MEIS2: variants seen among roughly 807,000 people sequenced by gnomAD.
The protein encoded by MEIS2 is Meis homeobox 2.
Under a neutral mutation model 58.6 loss-of-function variants are expected in MEIS2, and 9 were observed. The observed-to-expected ratio is 0.15, with a 90% confidence interval of 0.09 to 0.27. The LOEUF (loss-of-function observed/expected upper bound fraction) is 0.27, where lower values mean the gene tolerates loss of function less well. MEIS2 is among the 10% of genes least tolerant of loss of function. The pLI is 1.00. For synonymous variants in MEIS2, 221 were observed against 228.4 expected, an observed-to-expected ratio of 0.97 and a Z score of 0.29; for missense variants, 427 against 635.0, an observed-to-expected ratio of 0.67 and a Z score of 3.52.
Position 36,909,285 on chromosome 15 carries a change from G to A in MEIS2, c.978-12599C>T, listed in dbSNP as rs138250298. 1.2e-3 allele frequency among the ~76,000 whole-genome samples: 180 copies of A among 152,020 alleles called. 2 individuals carry two copies. The highest frequency in any genetic ancestry group is 4.1e-3 in the African/African-American group (168 of 41,458). Reference sequence around the variant, plus strand: ...ACTTATTCACAATTGTGATTTACTCGTCTGACTTTCCTACTAGATAGCCTT... The same window carrying A: ...ACTTATTCACAATTGTGATTTACTCATCTGACTTTCCTACTAGATAGCCTT... On this transcript the variant is annotated intron_variant, in intron 9 of 11. Coordinates refer to ENST00000561208, the MANE Select transcript of MEIS2 (RefSeq NM_170675.5).
chr15:36,963,166 G>C (rs192099417), intron 8 of MEIS2, among the ~76,000 whole-genome samples: 8 of 152,280 alleles, frequency 5.3e-5, no homozygotes, highest in Non-Finnish European at 1.2e-4. Flanking sequence ...CCTGAGGCCA[G>C]GAGTTCGAGA....
intron 3 of MEIS2, chr15:37,096,053 C>T (rs1894188293): frequency 6.0e-6 from 3 of 500,174 alleles, no homozygotes; most frequent in Non-Finnish European, 1.1e-5. Context: ...AGCAGGTCAA[C>T]TTTAATTCGA....
chr15:37,084,367 G>A (rs1892622158), intron 6 of MEIS2, among the ~76,000 whole-genome samples: 1 of 152,076 alleles, frequency 6.6e-6, no homozygotes, highest in Non-Finnish European at 1.5e-5. Flanking sequence ...GCTCCACAAT[G>A]TATGGGACAG....
chr15:37,095,655 T>C (rs1185050370), intron 3 of MEIS2, 41 bp from the exon 4 acceptor site: 1 of 1,614,008 alleles, frequency 6.2e-7, no homozygotes, highest in Admixed American at 1.7e-5. Context: ...TCACCCCATT[T>C]AAAATAAGAA....
chr15:37,033,896 C>G (rs941441748), intron 8 of MEIS2, among the ~76,000 whole-genome samples: 2 of 152,150 alleles, frequency 1.3e-5, no homozygotes, highest in South Asian at 2.1e-4. Context: ...AGTTACTGAA[C>G]CTCTTCTCTG....
At chr15:37,020,633 A>G (rs566046829) in intron 8 of MEIS2, among the ~76,000 whole-genome samples, 178 of 151,826 alleles carry the variant, frequency 1.2e-3, no homozygotes, top group African/African-American at 4.1e-3. Flanking sequence ...GGGTCTAGCA[A>G]AGACCTGTAA....
At chr15:36,955,122 T>C (rs2058911418) in intron 8 of MEIS2, among the ~76,000 whole-genome samples, 1 of 152,228 alleles carries the variant, frequency 6.6e-6, no homozygotes, top group Non-Finnish European at 1.5e-5. Context: ...TGGTCCTTAA[T>C]TTAATACCTT....
At chr15:36,972,762 A>T (rs1481327856) in intron 8 of MEIS2, 1 of 152,154 alleles carries the variant, frequency 6.6e-6, no homozygotes, top group Admixed American at 6.5e-5. Context: ...TCTAAAGCAG[A>T]ATTTAGAGGA....
chr15:37,037,399 C>T (rs1188662806), intron 7 of MEIS2, among the ~76,000 whole-genome samples: 2 of 152,184 alleles, frequency 1.3e-5, no homozygotes, highest in Non-Finnish European at 2.9e-5. Flanking sequence ...GTTCGTTGCA[C>T]ATAACGCACT....
intron 7 of MEIS2, among the ~76,000 whole-genome samples, chr15:37,061,164 C>T (rs1889164684): frequency 6.6e-6 from 1 of 152,084 alleles, no homozygotes; most frequent in African/African-American, 2.4e-5. Flanking sequence ...CTAGATATCC[C>T]ATCTATAAAG....
chr15:37,009,016 G>C (rs903695258), intron 8 of MEIS2, among the ~76,000 whole-genome samples: 2 of 152,202 alleles, frequency 1.3e-5, no homozygotes, highest in Non-Finnish European at 2.9e-5. Context: ...AGGGTCAGGC[G>C]TGGTGGCTTA....
chr15:37,031,675 A>G (rs1375050765), intron 8 of MEIS2, among the ~76,000 whole-genome samples: 1 of 152,050 alleles, frequency 6.6e-6, no homozygotes, highest in Non-Finnish European at 1.5e-5. Flanking sequence ...AAAATGAGTA[A>G]ACACCTGAGA....
At chr15:36,980,637 A>C (rs2059902110) in intron 8 of MEIS2, among the ~76,000 whole-genome samples, 1 of 152,148 alleles carries the variant, frequency 6.6e-6, no homozygotes. Context: ...GACACAGCCA[A>C]CCCATAACAA....
At chr15:36,980,872 C>T (rs1219403337) in intron 8 of MEIS2, among the ~76,000 whole-genome samples, 2 of 152,066 alleles carry the variant, frequency 1.3e-5, no homozygotes, top group Non-Finnish European at 2.9e-5. Context: ...CATTTCAGTG[C>T]CTGTTTAAAG....
intron 8 of MEIS2, among the ~76,000 whole-genome samples, chr15:37,015,230 C>A (rs180686327): frequency 5.3e-5 from 8 of 152,278 alleles, no homozygotes; most frequent in Admixed American, 5.2e-4. Context: ...TAAATCAGAG[C>A]CTGTCACGGC....
intron 8 of MEIS2, among the ~76,000 whole-genome samples, chr15:36,998,025 A>T (rs1346191031): frequency 2.6e-5 from 4 of 151,844 alleles, no homozygotes; most frequent in Non-Finnish European, 2.9e-5. Flanking sequence ...TCCTTCAAAC[A>T]CTTAAGGACA....
chr15:36,935,149 A>C (rs185256360), intron 9 of MEIS2, among the ~76,000 whole-genome samples: 1 of 149,978 alleles, frequency 6.7e-6, no homozygotes, highest in Non-Finnish European at 1.5e-5. Flanking sequence ...GTTTTCAGTT[A>C]GTATTATCTT....
intron 8 of MEIS2, among the ~76,000 whole-genome samples, chr15:37,001,091 A>T (rs2060711123): frequency 6.6e-6 from 1 of 152,208 alleles, no homozygotes; most frequent in Non-Finnish European, 1.5e-5. Flanking sequence ...CTTTTGCATT[A>T]ACATTTATTT....
At chr15:37,062,489 A>G (rs1889353663) in intron 7 of MEIS2, among the ~76,000 whole-genome samples, 1 of 152,248 alleles carries the variant, frequency 6.6e-6, no homozygotes, top group South Asian at 2.1e-4. Flanking sequence ...AAAGAGACAG[A>G]AGGAGAGATC....
Sources: allele counts gnomAD v4.1 joint callset (sites outside exome capture counted in the v4.1 genomes callset), GRCh38; gene constraint gnomAD v4.1.1; transcripts MANE v1.5; gene names NCBI Gene and HGNC (gene_info 2026-07-23, HGNC 2026-07-21).